Variants in TRHDE observed in about 807,000 individuals in gnomAD.
The protein encoded by TRHDE is thyrotropin-releasing hormone-degrading ectoenzyme.
In TRHDE, 72 loss-of-function variants were observed where a neutral mutation model predicts 125.7. The observed-to-expected ratio is 0.57, with a 90% CI of 0.47 to 0.70. The LOEUF (loss-of-function observed/expected upper bound fraction) is 0.70, where lower values mean the gene tolerates loss of function less well. Among genes scored for constraint, TRHDE ranks in the 30% least tolerant of loss-of-function variants. The pLI, the probability that TRHDE is intolerant of heterozygous loss-of-function variation, is 0.00. For synonymous variants in TRHDE, 509 were observed against 509.1 expected (o/e 1.00, Z 0.00); for missense variants, 1,110 against 1,327.1 (o/e 0.84, Z 2.54).
At chr12:72,602,645 GA>G (rs1213359105) in intron 12 of TRHDE, among the ~76,000 whole-genome samples, 1 of 152,110 alleles carries the variant, frequency 6.6e-6, no homozygotes, top group African/African-American at 2.4e-5. Flanking sequence ...GAGACAGCTG[GA>G]AAAAAATAAT....
intron 6 of TRHDE, among the ~76,000 whole-genome samples, chr12:72,525,467 A>G (rs1868314585): frequency 6.6e-6 from 1 of 152,100 alleles, no homozygotes; most frequent in African/African-American, 2.4e-5. Flanking sequence ...TTAAAAATCA[A>G]ATTAAAAGAT....
intron 2 of TRHDE, among the ~76,000 whole-genome samples, chr12:72,229,328 C>A (rs944921038): frequency 6.6e-6 from 1 of 152,126 alleles, no homozygotes; most frequent in Non-Finnish European, 1.5e-5. Context: ...TGCAGGGGAA[C>A]TCCCCTTTTT....
intron 5 of TRHDE, among the ~76,000 whole-genome samples, chr12:72,481,260 C>T (rs1245085006): frequency 1.3e-5 from 2 of 148,860 alleles, no homozygotes; most frequent in Non-Finnish European, 3.0e-5. Context: ...TACTTTAATA[C>T]TGTTCAAGAT....
At chr12:72,121,366 G>T (rs1257862062) in intron 2 of TRHDE, among the ~76,000 whole-genome samples, 1 of 152,148 alleles carries the variant, frequency 6.6e-6, no homozygotes, top group Non-Finnish European at 1.5e-5. Context: ...GCTCATAGTG[G>T]CAGCGCTTTC....
chr12:72,543,683 A>T (rs756459346), intron 7 of TRHDE, among the ~76,000 whole-genome samples: 1 of 151,348 alleles, frequency 6.6e-6, no homozygotes, highest in Non-Finnish European at 1.5e-5. Context: ...AGTTGATGTG[A>T]AATCATTTTC....
At chr12:72,101,555 G>T (rs530978480) in intron 1 of TRHDE, among the ~76,000 whole-genome samples, 3 of 152,292 alleles carry the variant, frequency 2.0e-5, no homozygotes, top group African/African-American at 7.2e-5. Flanking sequence ...GAACACAAAT[G>T]CTTTGTGCTA....
chr12:72,536,036 C>T (rs1348703180), intron 6 of TRHDE, among the ~76,000 whole-genome samples: 1 of 152,064 alleles, frequency 6.6e-6, no homozygotes, highest in East Asian at 1.9e-4. Flanking sequence ...TGTATGTCAA[C>T]GGAAAGTAAT....
At chr12:72,239,959 A>G (rs539111726) in intron 2 of TRHDE, among the ~76,000 whole-genome samples, 1 of 152,282 alleles carries the variant, frequency 6.6e-6, no homozygotes, top group East Asian at 1.9e-4. Flanking sequence ...AAGTTCTCCA[A>G]ATCTGTTCTT....
chr12:72,409,208 T>C (rs1565730475), intron 3 of TRHDE, among the ~76,000 whole-genome samples: 1 of 152,076 alleles, frequency 6.6e-6, no homozygotes, highest in Non-Finnish European at 1.5e-5. Flanking sequence ...ATAATAACAA[T>C]AGAATCAGAA....
intron 2 of TRHDE, among the ~76,000 whole-genome samples, chr12:72,116,854 A>G (rs1016767709): frequency 6.6e-6 from 1 of 152,012 alleles, no homozygotes; most frequent in Non-Finnish European, 1.5e-5. Flanking sequence ...CCATTTATCA[A>G]TTTTGACTTT....
At chr12:72,663,007 T>G in intron 18 of TRHDE, 45 bp from the exon 19 acceptor site, 1 of 1,569,086 alleles carries the variant, frequency 6.4e-7, no homozygotes. Context: ...ACATGAGTTC[T>G]TTTTAAGACA....
chr12:72,301,578 G>C (rs1025206248), intron 2 of TRHDE, among the ~76,000 whole-genome samples: 2 of 152,176 alleles, frequency 1.3e-5, no homozygotes, highest in African/African-American at 2.4e-5. Flanking sequence ...GGGCAGATTT[G>C]GATTGGGTTT....
intron 2 of TRHDE, among the ~76,000 whole-genome samples, chr12:72,312,584 A>G (rs1190703402): frequency 6.6e-6 from 1 of 152,198 alleles, no homozygotes. Context: ...AAAAGGTAAT[A>G]TTGGTAGCCT....
chr12:72,212,219 G>A (rs575935229), intron 2 of TRHDE, among the ~76,000 whole-genome samples: 8 of 151,678 alleles, frequency 5.3e-5, no homozygotes, highest in East Asian at 3.9e-4. Context: ...TGGCTTATAC[G>A]TGTTAAATTG....
At chr12:72,657,826 A>G (rs1874767007) in intron 18 of TRHDE, among the ~76,000 whole-genome samples, 1 of 152,160 alleles carries the variant, frequency 6.6e-6, no homozygotes, top group Non-Finnish European at 1.5e-5. Flanking sequence ...AATGGATCGC[A>G]CTTCAAACAT....
chr12:72,489,513 A>G (rs1877564128), intron 5 of TRHDE, among the ~76,000 whole-genome samples: 1 of 151,878 alleles, frequency 6.6e-6, no homozygotes, highest in Non-Finnish European at 1.5e-5. Context: ...TTTATATGGA[A>G]ACATAAAAAA....
intron 5 of TRHDE, among the ~76,000 whole-genome samples, chr12:72,486,746 C>CA (rs1877426992): frequency 6.6e-6 from 1 of 152,046 alleles, no homozygotes; most frequent in East Asian, 1.9e-4. Context: ...ACACAAGAAA[C>CA]ATGAAAAAGC....
At chr12:72,431,087 A>AT (rs1243004213) in intron 3 of TRHDE, among the ~76,000 whole-genome samples, 1 of 152,012 alleles carries the variant, frequency 6.6e-6, no homozygotes, top group Admixed American at 6.6e-5. Context: ...AATACAGCTT[A>AT]TTTTTTGCAT....
intron 6 of TRHDE, among the ~76,000 whole-genome samples, chr12:72,532,958 A>G (rs1346265190): frequency 8.3e-6 from 1 of 120,956 alleles, no homozygotes; most frequent in Non-Finnish European, 1.6e-5. Flanking sequence ...GTTACACAGC[A>G]TCATAGAAAT....
Sources: allele counts gnomAD v4.1 joint callset (sites outside exome capture counted in the v4.1 genomes callset), GRCh38; gene constraint gnomAD v4.1.1; transcripts MANE v1.5; gene names NCBI Gene and HGNC (gene_info 2026-07-23, HGNC 2026-07-21).